Variants in RAB11FIP3 observed in about 807,000 individuals in gnomAD.
RAB11FIP3 encodes rab11 family-interacting protein 3.
Under a neutral mutation model 77.8 loss-of-function variants are expected in RAB11FIP3, and 17 were observed. That is an observed-to-expected ratio of 0.22 (90% CI 0.15 to 0.33). RAB11FIP3 has a LOEUF of 0.33. RAB11FIP3 is among the 10% of genes least tolerant of loss of function. The pLI is 1.00. For missense variants in RAB11FIP3, 1,005 were observed against 1,011.2 expected, an observed-to-expected ratio of 0.99 and a Z score of 0.08; for synonymous variants, 437 against 448.2, an observed-to-expected ratio of 0.98 and a Z score of 0.31.
intron 2 of RAB11FIP3, among the ~76,000 whole-genome samples, chr16:465,054 T>C (rs374292451): frequency 1.3e-3 from 197 of 152,272 alleles, no homozygotes; most frequent in African/African-American, 4.3e-3. Context: ...TTCTAATCAT[T>C]GGTCCCCTGA....
chr16:499,088 T>G (rs2031336584), intron 6 of RAB11FIP3, among the ~76,000 whole-genome samples: 1 of 152,136 alleles, frequency 6.6e-6, no homozygotes, highest in African/African-American at 2.4e-5. Context: ...AGCAGGTGCC[T>G]GTAATCCCAG....
At chr16:503,192 C>A in intron 7 of RAB11FIP3, 95 bp downstream of exon 7, 1 of 992,238 alleles carries the variant, frequency 1.0e-6, no homozygotes, top group Non-Finnish European at 1.5e-6. Flanking sequence ...GTGGGGACAG[C>A]ACAGCCGGAG....
chr16:519,825 G>A lies in RAB11FIP3; in HGVS notation c.1794G>A (p.Arg598=), dbSNP rs1053340418. 6.2e-7 allele frequency: 1 copy of A among 1,605,292 alleles called. No homozygotes were observed. The highest frequency in any genetic ancestry group is 1.3e-5 in the African/African-American group (1 of 74,948). The change falls in exon 11 of 14, where the codon AGG becomes AGA. Residue 598 remains arginine (R), a synonymous_variant. Transcript: ENST00000262305. ...LRLSEEQENK[R]RMGDRLSHER... Reference sequence around the variant, plus strand: ...TCAGTGAAGAGCAGGAGAACAAGAGGAGAATGGGGGACAGGCTGAGTCACG... The same window carrying A: ...TCAGTGAAGAGCAGGAGAACAAGAGAAGAATGGGGGACAGGCTGAGTCACG...
At chr16:457,761 A>G (rs774948621) in intron 1 of RAB11FIP3, among the ~76,000 whole-genome samples, 3 of 152,232 alleles carry the variant, frequency 2.0e-5, no homozygotes, top group Non-Finnish European at 4.4e-5. Flanking sequence ...AGAATAAACA[A>G]CTTGGTACTT....
chr16:483,838 CT>C (rs148547318), intron 4 of RAB11FIP3, among the ~76,000 whole-genome samples: 3,942 of 152,118 alleles, frequency 0.026, 175 homozygotes, highest in African/African-American at 0.09. Context: ...GATAATAACT[CT>C]TTCAAACAAA....
At chr16:520,309 T>C in intron 12 of RAB11FIP3, 32 bp downstream of exon 12, 1 of 1,547,826 alleles carries the variant, frequency 6.5e-7, no homozygotes. Flanking sequence ...TCCCTCACAC[T>C]CCTGCAGAAG....
intron 1 of RAB11FIP3, among the ~76,000 whole-genome samples, chr16:449,811 C>T (rs1486908748): frequency 2.0e-5 from 3 of 151,734 alleles, no homozygotes; most frequent in South Asian, 2.1e-4. Flanking sequence ...ATTAGCCGTG[C>T]GTGATGGCGG....
At chr16:427,962 G>C (rs1314903300) in intron 1 of RAB11FIP3, among the ~76,000 whole-genome samples, 1 of 152,054 alleles carries the variant, frequency 6.6e-6, no homozygotes, top group Non-Finnish European at 1.5e-5. Context: ...TTAGTCGGGC[G>C]TGGTGGCGGG....
intron 11 of RAB11FIP3, 103 bp from the exon 12 acceptor site, chr16:520,019 C>T (rs528857450): frequency 1.3e-5 from 20 of 1,522,996 alleles, no homozygotes; most frequent in South Asian, 3.7e-5. Context: ...GTCGTCCTCC[C>T]GAGAGACGGC....
rs2031905378 is a variant in RAB11FIP3, at chr16:506,961, C to T, written c.1499+1334C>T. The stretch of plus-strand genomic sequence containing the variant: ...GGAGAATCCGGGGGGCTGCCAGATG[C>T]ACTTGTTTTGTTTTGTTTTTTGAGA... On this transcript the variant is annotated intron_variant, in intron 8 of 13. Transcript: ENST00000262305. This position sits in a 1 kb window ranked among gnomAD's most constrained non-coding sequence, Gnocchi z 4.5. Among the ~76,000 whole-genome samples, 1 of 152,222 alleles carries T rather than the reference C, an allele frequency of 6.6e-6. No individual in the cohort carries two copies. The highest frequency in any genetic ancestry group is 1.9e-4 in the East Asian group (1 of 5,182).
At chr16:487,556 G>A (rs1419330872) in intron 4 of RAB11FIP3, among the ~76,000 whole-genome samples, 1 of 152,230 alleles carries the variant, frequency 6.6e-6, no homozygotes, top group East Asian at 1.9e-4. Flanking sequence ...GCGGAGCAGA[G>A]CGCGCGGTCC....
At chr16:458,273 C>A (rs969549100) in intron 1 of RAB11FIP3, among the ~76,000 whole-genome samples, 4 of 152,234 alleles carry the variant, frequency 2.6e-5, no homozygotes, top group Non-Finnish European at 4.4e-5. Context: ...ACGTGCTACA[C>A]CCCCCATCCT....
chr16:485,191 A>G (rs2141745900), intron 4 of RAB11FIP3, among the ~76,000 whole-genome samples: 1 of 152,242 alleles, frequency 6.6e-6, no homozygotes, highest in African/African-American at 2.4e-5. Flanking sequence ...AGCCAAAGGC[A>G]CGTGGGTCAG....
chr16:446,782 G>A (rs116620205), intron 1 of RAB11FIP3, among the ~76,000 whole-genome samples: 4,157 of 151,830 alleles, frequency 0.027, 217 homozygotes, highest in African/African-American at 0.095. Flanking sequence ...TGCAACCTCC[G>A]CCTCCTAGTC....
intron 1 of RAB11FIP3, among the ~76,000 whole-genome samples, chr16:441,330 C>T (rs573388923): frequency 2.0e-5 from 3 of 152,252 alleles, no homozygotes; most frequent in Non-Finnish European, 2.9e-5. Context: ...ATCCCTAAGT[C>T]GTGCGTATCC....
Position 474,781 on chromosome 16 carries a change from T to A in RAB11FIP3, c.903+3392T>A, listed in dbSNP as rs1567378203. On this transcript the variant is annotated intron_variant, in intron 3 of 13. Transcript: ENST00000262305. ...TTTTCAGCCCTGACTGACTAACCGT[T>A]TTTTAAACCAGCAAGGACACTTCCT... is the stretch of plus-strand genomic sequence containing the variant. 3.7e-6 allele frequency: 5 copies of A among 1,368,916 alleles called. No homozygotes were observed. In the East Asian group the frequency reaches 1.1e-4, roughly 29 times the overall value. The allele number at this position is 1,368,916 out of a possible 1,614,324, so 84.8% of individuals were successfully genotyped here. A position where few individuals can be genotyped will look rare whatever the true frequency, so the allele number is the denominator to read the frequency against.
chr16:494,795 G>C (rs892703815), intron 5 of RAB11FIP3, among the ~76,000 whole-genome samples: 19 of 151,206 alleles, frequency 1.3e-4, no homozygotes, highest in Admixed American at 3.3e-4. Context: ...CGGGGAGGTC[G>C]AGGCTGCAGA....
intron 8 of RAB11FIP3, among the ~76,000 whole-genome samples, chr16:508,766 G>C (rs2031994277): frequency 6.6e-6 from 1 of 152,190 alleles, no homozygotes; most frequent in Non-Finnish European, 1.5e-5. Flanking sequence ...CCTCTCATCT[G>C]TCTGAACATC....
At chr16:455,609 T>G (rs185560490) in intron 1 of RAB11FIP3, among the ~76,000 whole-genome samples, 2 of 152,254 alleles carry the variant, frequency 1.3e-5, no homozygotes, top group East Asian at 3.9e-4. Flanking sequence ...TGTTGTTGTT[T>G]TTTGGGAGAT....
Sources: allele counts gnomAD v4.1 joint callset (sites outside exome capture counted in the v4.1 genomes callset), GRCh38; gene constraint gnomAD v4.1.1; non-coding constraint Gnocchi (gnomAD v3.1); transcripts MANE v1.5; gene names NCBI Gene and HGNC (gene_info 2026-07-23, HGNC 2026-07-21).